The following IST1 variants were observed in gnomAD, a reference collection of about 807,000 sequenced individuals.
IST1 encodes the protein IST1 factor associated with ESCRT-III.
Under a neutral mutation model 37.0 loss-of-function variants are expected in IST1, and 23 were observed. That is an observed-to-expected ratio of 0.62 (90% confidence interval 0.45 to 0.88). The LOEUF (loss-of-function observed/expected upper bound fraction) is 0.88, where lower values mean the gene tolerates loss of function less well. IST1 is among the 40% of genes least tolerant of loss of function. The pLI is 0.00. For missense variants in IST1, 488 were observed against 445.4 expected (o/e 1.10, Z -0.86); for synonymous variants, 180 against 161.7 (o/e 1.11, Z -0.86).
intron 7 of IST1, 142 bp from the exon 8 acceptor site, chr16:71,923,146 T>C (rs1451714162): frequency 6.0e-6 from 3 of 501,626 alleles, no homozygotes; most frequent in African/African-American, 4.0e-5. Flanking sequence ...TGTGGTCCTT[T>C]TGGGCATTTT....
In IST1 at chr16:71,929,375, C is replaced by T; in HGVS notation, c.*1562C>T. 1.5e-6 allele frequency: 1 copy of T among 657,456 alleles called. No individual in the cohort carries two copies. The highest frequency in any genetic ancestry group is 2.5e-5 in the South Asian group (1 of 39,496). 40.7% of individuals were successfully genotyped at this position (657,456 alleles called of 1,614,324 possible). On this transcript the variant is annotated 3_prime_UTR_variant, in exon 10 of 10. Coordinates refer to ENST00000378799, the MANE Select transcript of IST1 (RefSeq NM_001270975.2). ...TCGTAGTATTCTTGCATTGTTAATCCTATCTTGACAGTGCCAAGATCCATA... is the reference window on the plus strand; with the variant it reads ...TCGTAGTATTCTTGCATTGTTAATCTTATCTTGACAGTGCCAAGATCCATA...
At chr16:71,914,415 C>T (rs1380756586) in intron 1 of IST1, among the ~76,000 whole-genome samples, 1 of 152,106 alleles carries the variant, frequency 6.6e-6, no homozygotes, top group Non-Finnish European at 1.5e-5. Flanking sequence ...CCACCTCGGC[C>T]TCCCAAAGTG....
chr16:71,894,823 T>C, upstream of IST1: 1 of 1,534,150 alleles, frequency 6.5e-7, no homozygotes, highest in Non-Finnish European at 8.7e-7. Flanking sequence ...CTTCCAGGCT[T>C]AAGCAGCGAT....
intron 1 of IST1, among the ~76,000 whole-genome samples, chr16:71,910,935 A>C (rs921276753): frequency 5.3e-5 from 8 of 152,128 alleles, no homozygotes; most frequent in Non-Finnish European, 1.2e-4. Context: ...TATGTGTATA[A>C]AGTAGTATTA....
chr16:71,917,318 C>T (rs1268141949), intron 4 of IST1, among the ~76,000 whole-genome samples, 184 bp downstream of exon 4: 1 of 151,638 alleles, frequency 6.6e-6, no homozygotes, highest in Non-Finnish European at 1.5e-5. Context: ...CAGTGTTTTG[C>T]AAACTTGAGC....
intron 1 of IST1, among the ~76,000 whole-genome samples, chr16:71,899,051 A>C (rs1386808113): frequency 6.6e-6 from 1 of 152,146 alleles, no homozygotes; most frequent in African/African-American, 2.4e-5. Context: ...ATTGAGAACA[A>C]GATGAAGATA....
intron 1 of IST1, among the ~76,000 whole-genome samples, chr16:71,902,910 T>C (rs1343187711): frequency 6.6e-6 from 1 of 152,196 alleles, no homozygotes; most frequent in Non-Finnish European, 1.5e-5. Context: ...TTTTGCTTTC[T>C]TTTTGTTGTT....
intron 9 of IST1, 21 bp downstream of exon 9, chr16:71,924,838 ACCTGCAGAGCT>A: frequency 1.3e-6 from 2 of 1,549,768 alleles, no homozygotes; most frequent in Non-Finnish European, 1.8e-6. Context: ...TCAATCAGAA[ACCTGCAGAGCT>A]CAGTGCTGAA....
chr16:71,900,286 C>G (rs971069750), intron 1 of IST1, among the ~76,000 whole-genome samples: 3 of 143,442 alleles, frequency 2.1e-5, no homozygotes, highest in African/African-American at 7.7e-5. Flanking sequence ...TCACTTCGTA[C>G]TTTTAGAGCT....
At position 71,930,667 on chromosome 16, in the gene IST1, A is replaced by G. The variant is rs1036224052; in HGVS notation, c.*2854A>G. 1 of 151,380 alleles carries G rather than the reference A, an allele frequency of 6.6e-6. No homozygotes were observed. The highest frequency in any genetic ancestry group is 2.4e-5 in the African/African-American group (1 of 41,214). 9.4% of individuals were successfully genotyped at this position (151,380 alleles called of 1,614,324 possible). A position where few individuals can be genotyped will look rare whatever the true frequency, so the allele number is the denominator to read the frequency against. On this transcript the variant is annotated 3_prime_UTR_variant, in exon 10 of 10. Transcript: ENST00000378799. ...GGCTTTTTAGTATTTTTTTTTTTCC[A>G]TTGTCATTTTTAAAGGTACAAGCAT...
In IST1 at chr16:71,924,761, TG is replaced by T. The variant is rs760217190; in HGVS notation, c.853-7del. The T allele has an allele frequency of 6.9e-6, 11 of 1,602,194 alleles. No individual in the cohort carries two copies. In the African/African-American group the frequency reaches 1.3e-4, roughly 19 times the overall value. On this transcript the variant is annotated splice_polypyrimidine_tract_variant and splice_region_variant and intron_variant, in intron 8 of 9. Coordinates refer to ENST00000378799, the MANE Select transcript of IST1 (RefSeq NM_001270975.2). Reference sequence around the variant, plus strand: ...CTGTCTCCTCTGGTAACAATCTTTGTGTTTCAGGTAGATGACATTAATGCTG... The same window carrying T: ...CTGTCTCCTCTGGTAACAATCTTTGTTTTCAGGTAGATGACATTAATGCTG...
At chr16:71,895,525 G>C, upstream of IST1, 1 of 985,712 alleles carries the variant, frequency 1.0e-6, no homozygotes, top group Non-Finnish European at 1.2e-6. Flanking sequence ...GGCCGAGGGA[G>C]TCGCCATTTT....
At chr16:71,908,032 C>A (rs894031547) in intron 1 of IST1, among the ~76,000 whole-genome samples, 1 of 152,102 alleles carries the variant, frequency 6.6e-6, no homozygotes, top group Non-Finnish European at 1.5e-5. Context: ...TCACCGTCCG[C>A]CTCCCGGGTT....
rs552681631 is a variant in IST1 at position 71,915,591 on chromosome 16, C to G, written c.-15-35C>G. 51 of 1,481,520 alleles carry G rather than the reference C, an allele frequency of 3.4e-5. No individual in the cohort carries two copies. In the Middle Eastern group the frequency reaches 9.6e-4, roughly 28 times the overall value. 91.8% of individuals were successfully genotyped at this position (1,481,520 alleles called of 1,614,324 possible). ...GTGTTAGTTCCTGAACTAATGTTGA[C>G]TTGAAAATAGTCATTGTGCTTCTTC... On this transcript the variant is annotated intron_variant, in intron 1 of 9. Transcript: ENST00000378799.
At chr16:71,927,309 T>G (rs1367386719) in intron 9 of IST1, among the ~76,000 whole-genome samples, 1 of 151,932 alleles carries the variant, frequency 6.6e-6, no homozygotes, top group Admixed American at 6.6e-5. Context: ...GCCAACCTGG[T>G]GAAACCCTCT....
intron 8 of IST1, chr16:71,923,645 C>G (rs1567473957): frequency 3.1e-6 from 1 of 327,776 alleles, no homozygotes; most frequent in African/African-American, 2.2e-5. Context: ...TTGTAGTGCT[C>G]TATGAGGGCA....
At position 71,927,725 on chromosome 16, in the gene IST1, C is replaced by T. The variant is rs200010599; in HGVS notation, c.1013C>T (p.Ala338Val). 31 of 1,612,762 alleles carry T rather than the reference C, an allele frequency of 1.9e-5. No homozygotes were observed. Among genetic ancestry groups the T allele is most frequent in the Non-Finnish European group, 2.5e-5 (30 of 1,178,878 alleles). The change falls in exon 10 of 10, where the codon GCA becomes GTA. Residue 338 changes from alanine (A) to valine (V), a missense_variant. This residue lies in a region of IST1 where 455 missense variants were observed against 386.2 expected (regional missense o/e 1.18). Transcript: ENST00000378799. ...TCTGTGCCAGACACACTACCAACTG[C>T]ATCTGCTGGTGCCAGCACCTCAGCA... ...LPSVPDTLPT[A>V]SAGASTSASE...
In IST1 at chr16:71,928,343, C is replaced by T. The variant is rs768950511; in HGVS notation, c.*530C>T. 86 of 166,150 alleles carry T rather than the reference C, an allele frequency of 5.2e-4. No homozygotes were observed. The highest frequency in any genetic ancestry group is 1.2e-4 in the Non-Finnish European group (9 of 76,592). The allele number at this position is 166,150 out of a possible 1,614,324, so 10.3% of individuals were successfully genotyped here. On this transcript the variant is annotated 3_prime_UTR_variant, in exon 10 of 10. Transcript: ENST00000378799. ...ACTCGGGACGCCATTGTAACGGTTC[C>T]TGGAAGCTGGGCCCTCTCATTGGCA...
At chr16:71,924,714 A>G (rs376101812) in intron 8 of IST1, 55 bp from the exon 9 acceptor site, 1 of 1,344,258 alleles carries the variant, frequency 7.4e-7, no homozygotes, top group African/African-American at 1.4e-5. Flanking sequence ...TTACACCAGT[A>G]CTTTCTCCAG....
Sources: allele counts gnomAD v4.1 joint callset (sites outside exome capture counted in the v4.1 genomes callset), GRCh38; gene constraint gnomAD v4.1.1; regional missense constraint gnomAD v4.1.1; transcripts MANE v1.5; gene names NCBI Gene and HGNC (gene_info 2026-07-23, HGNC 2026-07-21).